TJP3: variants seen among roughly 807,000 people sequenced by gnomAD.
TJP3 encodes the protein tight junction protein ZO-3.
Under a neutral mutation model 104.2 loss-of-function variants are expected in TJP3, and 85 were observed. The ratio of observed to expected loss-of-function variants is 0.82; its 90% CI spans 0.68 to 0.98. The LOEUF (loss-of-function observed/expected upper bound fraction) is 0.98, where lower values mean the gene tolerates loss of function less well. TJP3 is among the 50% of genes least tolerant of loss of function. The pLI, the probability that TJP3 is intolerant of heterozygous loss-of-function variation, is 0.00. For missense variants in TJP3, 1,367 were observed against 1,322.8 expected (o/e 1.03, Z -0.52); for synonymous variants, 550 against 550.6 (o/e 1.00, Z 0.02).
chr19:3,730,230 C>T lies in TJP3; in HGVS notation c.261+100C>T, dbSNP rs1340427000. 16 of 1,516,132 alleles carry T rather than the reference C, an allele frequency of 1.1e-5. No homozygotes were observed. Among genetic ancestry groups the T allele is most frequent in the African/African-American group, 4.1e-5 (3 of 72,918 alleles). The allele number at this position is 1,516,132 out of a possible 1,614,324, so 93.9% of individuals were successfully genotyped here. A position where few individuals can be genotyped will look rare whatever the true frequency, so the allele number is the denominator to read the frequency against. ...TTCTGAGAGCAAGGAGTCATCTTCT[C>T]ATCTTACAGTTTGGACATTGAGGCC... On this transcript the variant is annotated intron_variant, in intron 4 of 20. Transcript: ENST00000541714. This position sits in a 1 kb window ranked among gnomAD's most constrained non-coding sequence, Gnocchi z 7.3.
rs1410215482 is a variant in TJP3, at chr19:3,730,254, C to A, written c.262-101C>A. ...TCATCTTACAGTTTGGACATTGAGG[C>A]CCAGAGAGAGACTGGTGTCCCCCAG... On this transcript the variant is annotated intron_variant, in intron 4 of 20. Transcript: ENST00000541714. The surrounding 1 kb of genome is among the most constrained non-coding windows in gnomAD (Gnocchi z 7.3). The A allele has an allele frequency of 6.8e-7, 1 of 1,480,478 alleles. No homozygotes were observed. The highest frequency in any genetic ancestry group is 2.4e-5 in the East Asian group (1 of 42,000). 91.7% of individuals were successfully genotyped at this position (1,480,478 alleles called of 1,614,324 possible).
intron 1 of TJP3, among the ~76,000 whole-genome samples, chr19:3,716,790 T>TAC (rs1198296797): frequency 5.9e-5 from 4 of 67,708 alleles, no homozygotes; most frequent in African/African-American, 2.0e-4. Flanking sequence ...CATATATATA[T>TAC]ATATATATAT....
Position 3,745,893 on chromosome 19 carries a change from T to G in TJP3, c.1940-118T>G, listed in dbSNP as rs1041480082. 9 of 800,504 alleles carry G rather than the reference T, an allele frequency of 1.1e-5. No homozygotes were observed. The African/African-American group carries it at 1.2e-4, about 11-fold the overall frequency. 49.6% of individuals were successfully genotyped at this position (800,504 alleles called of 1,614,324 possible). A position where few individuals can be genotyped will look rare whatever the true frequency, so the allele number is the denominator to read the frequency against. Reference sequence around the variant, plus strand: ...GAGTTTCTGCTGCTGTTAGGATTTCTCTCCAGGGCAATGGGGAGCCATGGT... The same window carrying G: ...GAGTTTCTGCTGCTGTTAGGATTTCGCTCCAGGGCAATGGGGAGCCATGGT... On this transcript the variant is annotated intron_variant, in intron 15 of 20. Coordinates refer to ENST00000541714, the MANE Select transcript of TJP3 (RefSeq NM_001267560.2).
chr19:3,728,867 A>G (rs2036634822), intron 3 of TJP3, among the ~76,000 whole-genome samples, 154 bp downstream of exon 3: 1 of 152,146 alleles, frequency 6.6e-6, no homozygotes. Flanking sequence ...AGCCTGGCCA[A>G]CATGGTGAAA....
chr19:3,721,779 G>C (rs894380729), intron 1 of TJP3: 3 of 497,462 alleles, frequency 6.0e-6, no homozygotes, highest in Non-Finnish European at 9.4e-6. Context: ...CGAGAGCCCG[G>C]CCCTCAGCCC....
intron 20 of TJP3, 105 bp from the exon 21 acceptor site, chr19:3,750,477 A>G (rs2036978271): frequency 4.1e-6 from 4 of 984,906 alleles, no homozygotes; most frequent in Non-Finnish European, 3.1e-6. Context: ...AGATGTGCTT[A>G]TCTCTGCCCA....
intron 11 of TJP3, among the ~76,000 whole-genome samples, chr19:3,737,601 G>A (rs947713006): frequency 4.6e-5 from 7 of 151,864 alleles, no homozygotes; most frequent in Non-Finnish European, 7.4e-5. Flanking sequence ...TCCCTTGCGC[G>A]AGTTCACTCA....
At position 3,746,884 on chromosome 19, in the gene TJP3, C is replaced by T. The variant is rs199639619; in HGVS notation, c.2322+8C>T. The T allele has an allele frequency of 9.2e-6, 13 of 1,415,284 alleles. No homozygotes were observed. The highest frequency in any genetic ancestry group is 5.6e-5 in the Admixed American group (3 of 53,880). 87.7% of individuals were successfully genotyped at this position (1,415,284 alleles called of 1,614,324 possible). A position where few individuals can be genotyped will look rare whatever the true frequency, so the allele number is the denominator to read the frequency against. ...TGGACGGCGGAAGATCAGGTACTGC[C>T]GCGGTGTGGGTGGGTCGGGCAGGGA... On this transcript the variant is annotated splice_region_variant and intron_variant, in intron 18 of 20. Coordinates refer to ENST00000541714, the MANE Select transcript of TJP3 (RefSeq NM_001267560.2). The surrounding 1 kb of genome is among the most constrained non-coding windows in gnomAD (Gnocchi z 4.1).
chr19:3,738,631 A>G lies in TJP3; in HGVS notation c.1361A>G (p.Glu454Gly). The G allele has an allele frequency of 1.2e-6, 2 of 1,613,834 alleles. No homozygotes were observed. The highest frequency in any genetic ancestry group is 1.7e-6 in the Non-Finnish European group (2 of 1,179,960). Residue 454 changes from glutamate (E) to glycine (G), a missense_variant, in exon 12 of 21, where the codon GAG becomes GGG. Transcript: ENST00000541714. Reference sequence around the variant, plus strand: ...CTGCTGGGGCTGCCACCAGGCGAGGAGATGGAGCTGGTGACGCAGAGGAAG... The same window carrying G: ...CTGCTGGGGCTGCCACCAGGCGAGGGGATGGAGCTGGTGACGCAGAGGAAG... ...QFLLGLPPGE[E>G]MELVTQRKQD...
At chr19:3,723,652 C>T (rs1336258437) in intron 1 of TJP3, among the ~76,000 whole-genome samples, 3 of 151,582 alleles carry the variant, frequency 2.0e-5, no homozygotes, top group South Asian at 2.1e-4. Context: ...ATTAGCCGGG[C>T]GTGGTGGTTG....
At chr19:3,748,267 ATTTTTT>A (rs1274711670) in intron 19 of TJP3, among the ~76,000 whole-genome samples, 186 bp downstream of exon 19, 2 of 119,748 alleles carry the variant, frequency 1.7e-5, no homozygotes, top group African/African-American at 6.5e-5. Flanking sequence ...AACTTGCAGC[ATTTTTT>A]TTTTTTTTTT....
intron 11 of TJP3, 93 bp from the exon 12 acceptor site, chr19:3,738,461 TG>T: frequency 9.0e-7 from 1 of 1,111,332 alleles, no homozygotes; most frequent in Non-Finnish European, 1.3e-6. Context: ...TGGAAGCAGC[TG>T]GGGCTGAGTT....
At chr19:3,726,583 A>C (rs980310560) in intron 1 of TJP3, among the ~76,000 whole-genome samples, 3 of 149,408 alleles carry the variant, frequency 2.0e-5, no homozygotes, top group African/African-American at 7.3e-5. Flanking sequence ...TCAGCAACAG[A>C]GTTTTTTTTG....
chr19:3,716,799 A>ATTTTTT (rs1474982158), intron 1 of TJP3, among the ~76,000 whole-genome samples: 21 of 73,052 alleles, frequency 2.9e-4, no homozygotes, highest in African/African-American at 1.0e-3. Flanking sequence ...ATATATATAT[A>ATTTTTT]TATTTTTTTT....
intron 8 of TJP3, among the ~76,000 whole-genome samples, 190 bp downstream of exon 8, chr19:3,734,625 G>A (rs376883344): frequency 1.1e-4 from 17 of 152,314 alleles, no homozygotes; most frequent in African/African-American, 4.1e-4. Flanking sequence ...GCATTTGTAG[G>A]TGTTGGTTAC....
In TJP3 at chr19:3,723,986, A is replaced by G. The variant is rs188330068; in HGVS notation, c.-9-4438A>G. 7.3e-4 allele frequency among the ~76,000 whole-genome samples: 111 copies of G among 151,846 alleles called. 1 individual carries two copies. Among genetic ancestry groups the G allele is most frequent in the Non-Finnish European group, 1.2e-4 (8 of 67,940 alleles). On this transcript the variant is annotated intron_variant, in intron 1 of 20. Transcript: ENST00000541714. ...GTGAAACATGTCCCAGATTCAGGGG[A>G]CAGATGGGGTAAAGGTTTGGAGGTG...
intron 6 of TJP3, among the ~76,000 whole-genome samples, chr19:3,732,926 T>A (rs1031024995): frequency 1.3e-5 from 2 of 152,160 alleles, no homozygotes; most frequent in Admixed American, 1.3e-4. Context: ...ATTACAGGCA[T>A]GAGCCACCAC....
intron 1 of TJP3, among the ~76,000 whole-genome samples, chr19:3,722,364 T>G (rs1293520352): frequency 6.6e-6 from 1 of 152,026 alleles, no homozygotes; most frequent in Non-Finnish European, 1.5e-5. Context: ...GCTGGGGGCG[T>G]GCAGCCGGCT....
chr19:3,735,635 G>A lies in TJP3; in HGVS notation c.1056G>A (p.Arg352=), dbSNP rs374819904. 59 of 1,614,194 alleles carry A rather than the reference G, an allele frequency of 3.7e-5. No homozygotes were observed. The African/African-American group carries it at 7.2e-4, about 20-fold the overall frequency. Residue 352 remains arginine, a synonymous_variant, in exon 9 of 21, where the codon CGG becomes CGA. Transcript: ENST00000541714. ...CCATCTCGGAACCAGATGAGCAACG[G>A]TCAGGTGGGTGGTGACTCTGAGCAC... is the stretch of plus-strand genomic sequence containing the variant. The part of the protein sequence containing the change: ...SRTISEPDEQ[R]SELPRESSYD...
Sources: allele counts gnomAD v4.1 joint callset (sites outside exome capture counted in the v4.1 genomes callset), GRCh38; gene constraint gnomAD v4.1.1; non-coding constraint Gnocchi (gnomAD v3.1); transcripts MANE v1.5; gene names NCBI Gene and HGNC (gene_info 2026-07-23, HGNC 2026-07-21).